Variants in ZNF71 observed in about 807,000 individuals in gnomAD.
ZNF71 encodes zinc finger protein 71.
In ZNF71, 3 loss-of-function variants were observed where a neutral mutation model predicts 6.7. The ratio of observed to expected loss-of-function variants is 0.45; its 90% CI spans 0.20 to 1.16. ZNF71 has a LOEUF of 1.16. ZNF71 is among the 50% of genes most tolerant of loss of function. The probability of loss-of-function intolerance (pLI) is 0.25; values close to 1 mark genes in which losing one functional copy is unlikely to be tolerated. For synonymous variants in ZNF71, 343 were observed against 311.1 expected (o/e 1.10, Z -1.08); for missense variants, 688 against 728.6 (o/e 0.94, Z 0.64).
chr19:56,622,714 G>C lies in ZNF71; in HGVS notation c.1607G>C (p.Ser536Thr), dbSNP rs2044873135. 6.2e-7 allele frequency: 1 copy of C among 1,611,970 alleles called. No homozygotes were observed. The highest frequency in any genetic ancestry group is 1.3e-5 in the African/African-American group (1 of 74,930). The change falls in exon 4 of 4, where the codon AGC (serine) becomes ACC (threonine). Residue 536 changes from serine (S) to threonine (T), a missense_variant. By Grantham distance (58) the Ser-to-Thr change is moderately conservative (BLOSUM62 1). Transcript: ENST00000599599. ...TGCGGCGAGTGCGGGAAGACCTTCAGCCGCAACACGAACCTGACGCGCCAC... is the reference window on the plus strand; with the variant it reads ...TGCGGCGAGTGCGGGAAGACCTTCACCCGCAACACGAACCTGACGCGCCAC... Reference protein sequence around the residue: ...YRCGECGKTFSRNTNLTRHLR... With the variant: ...YRCGECGKTFTRNTNLTRHLR...
Position 56,621,736 on chromosome 19 carries a change from G to A in ZNF71, c.629G>A (p.Arg210Lys). 6.2e-7 allele frequency: 1 copy of A among 1,613,980 alleles called. No homozygotes were observed. The highest frequency in any genetic ancestry group is 1.1e-5 in the South Asian group (1 of 91,084). ...AGCTCGTCCCTGATAAAGCACCAAA[G>A]GATCCACACGGGAGAAAAGCCGTTT... ...SRSSSLIKHQ[R>K]IHTGEKPFEC... The change falls in exon 4 of 4, where the codon AGG becomes AAG. Residue 210 changes from arginine to lysine, a missense_variant. Coordinates refer to ENST00000599599, the MANE Select transcript of ZNF71 (RefSeq NM_001370215.1).
At chr19:56,610,304 TATA>T (rs1218035331) in intron 2 of ZNF71, 1 of 152,268 alleles carries the variant, frequency 6.6e-6, no homozygotes, top group Admixed American at 6.5e-5. Context: ...TCTGCGCCTG[TATA>T]AGCACATATG....
In ZNF71 at chr19:56,598,907, C is replaced by T. The variant is rs929856820; in HGVS notation, c.-52-2600C>T. ...TCTTAGTGGTTCTTACGCTTTAAGACGTGTCAGAATCACCTGGGAAACTTG... is the reference window on the plus strand; with the variant it reads ...TCTTAGTGGTTCTTACGCTTTAAGATGTGTCAGAATCACCTGGGAAACTTG... On this transcript the variant is annotated intron_variant, in intron 1 of 3. Transcript: ENST00000599599. This position sits in a 1 kb window ranked among gnomAD's most constrained non-coding sequence, Gnocchi z 4.2. Among the ~76,000 whole-genome samples the T allele has an allele frequency of 2.0e-5, 3 of 152,190 alleles. No individual in the cohort carries two copies. Among genetic ancestry groups the T allele is most frequent in the African/African-American group, 4.8e-5 (2 of 41,450 alleles).
At chr19:56,601,788 A>G (rs2148005363) in intron 2 of ZNF71, among the ~76,000 whole-genome samples, 197 bp downstream of exon 2, 1 of 152,190 alleles carries the variant, frequency 6.6e-6, no homozygotes, top group Admixed American at 6.5e-5. Context: ...AAGCTTTGGA[A>G]TGGCCAAACT....
At chr19:56,617,945 T>C (rs1377678321) in intron 3 of ZNF71, among the ~76,000 whole-genome samples, 1 of 151,716 alleles carries the variant, frequency 6.6e-6, no homozygotes, top group East Asian at 2.0e-4. Context: ...CCAGCTCATA[T>C]TCCAGAGCAT....
chr19:56,618,913 A>C lies in ZNF71; in HGVS notation c.161-2355A>C, dbSNP rs2044819835. Among the ~76,000 whole-genome samples the C allele has an allele frequency of 6.6e-6, 1 of 152,080 alleles. No homozygotes were observed. The highest frequency in any genetic ancestry group is 1.5e-5 in the Non-Finnish European group (1 of 68,014). ...GCACTCCCGGAGGAGTGGAGGACGCATTGCAGGGGTGAGAATGGGGTGGGG... is the reference window on the plus strand; with the variant it reads ...GCACTCCCGGAGGAGTGGAGGACGCCTTGCAGGGGTGAGAATGGGGTGGGG... On this transcript the variant is annotated intron_variant, in intron 3 of 3. Transcript: ENST00000599599. The surrounding 1 kb of genome is among the most constrained non-coding windows in gnomAD (Gnocchi z 4.6).
intron 2 of ZNF71, among the ~76,000 whole-genome samples, chr19:56,612,542 T>C (rs554932315): frequency 1.3e-5 from 2 of 152,248 alleles, no homozygotes; most frequent in South Asian, 4.1e-4. Context: ...CCAAATGCTG[T>C]GTGTTCTCAC....
At chr19:56,614,931 CTG>C (rs2044779109) in intron 3 of ZNF71, among the ~76,000 whole-genome samples, 2 of 152,148 alleles carry the variant, frequency 1.3e-5, no homozygotes, top group South Asian at 4.1e-4. Flanking sequence ...CTTTATGTCA[CTG>C]TGGTTGAGTT....
intron 2 of ZNF71, among the ~76,000 whole-genome samples, chr19:56,608,621 T>C (rs2044727506): frequency 6.6e-6 from 1 of 152,182 alleles, no homozygotes; most frequent in Admixed American, 6.5e-5. Flanking sequence ...CTGTATGTTG[T>C]TGATCACACA....
At chr19:56,611,286 G>A (rs1004316455) in intron 2 of ZNF71, among the ~76,000 whole-genome samples, 1 of 152,090 alleles carries the variant, frequency 6.6e-6, no homozygotes, top group African/African-American at 2.4e-5. Flanking sequence ...GGCACCACAA[G>A]TTTTCATTAC....
intron 2 of ZNF71, among the ~76,000 whole-genome samples, chr19:56,604,523 A>T (rs887973728): frequency 6.6e-5 from 10 of 152,206 alleles, no homozygotes; most frequent in Non-Finnish European, 1.3e-4. Flanking sequence ...CCATATTTGT[A>T]CACATTTAAC....
intron 2 of ZNF71, among the ~76,000 whole-genome samples, chr19:56,602,268 G>A (rs996562273): frequency 2.0e-5 from 3 of 152,172 alleles, no homozygotes; most frequent in African/African-American, 7.2e-5. Context: ...AGTGTCATGA[G>A]GGACACTGGG....
rs1292905921 is a variant in ZNF71 at position 56,621,137 on chromosome 19, C to G, written c.161-131C>G. On this transcript the variant is annotated intron_variant, in intron 3 of 3. Coordinates refer to ENST00000599599, the MANE Select transcript of ZNF71 (RefSeq NM_001370215.1). ...CCTCCCTCTCTGATCCAAGGTTCTT[C>G]TTTGCTAACTCGCTCTGTGCCTTGG... 4 of 890,444 alleles carry G rather than the reference C, an allele frequency of 4.5e-6. No individual in the cohort carries two copies. The Admixed American group carries it at 1.1e-4, about 23-fold the overall frequency. 55.2% of individuals were successfully genotyped at this position (890,444 alleles called of 1,614,324 possible).
At chr19:56,597,318 T>A (rs1056719840) in intron 1 of ZNF71, among the ~76,000 whole-genome samples, 4 of 152,172 alleles carry the variant, frequency 2.6e-5, no homozygotes, top group African/African-American at 9.7e-5. Flanking sequence ...AATTTTTTTT[T>A]ATATTAAATT....
chr19:56,619,865 G>T (rs1157060723), intron 3 of ZNF71, among the ~76,000 whole-genome samples: 1 of 152,204 alleles, frequency 6.6e-6, no homozygotes, highest in Non-Finnish European at 1.5e-5. Flanking sequence ...ACTTTTAAAT[G>T]CTGGGAATGA....
intron 1 of ZNF71, among the ~76,000 whole-genome samples, chr19:56,599,645 A>G (rs1344574255): frequency 6.6e-6 from 1 of 152,058 alleles, no homozygotes; most frequent in Non-Finnish European, 1.5e-5. Flanking sequence ...CTGTCACCTC[A>G]AGGATTTATC....
rs371602169 is a variant in ZNF71, at chr19:56,622,346, G to A, written c.1239G>A (p.Pro413=). 5.6e-6 allele frequency: 9 copies of A among 1,610,928 alleles called. No individual in the cohort carries two copies. Among genetic ancestry groups the A allele is most frequent in the African/African-American group, 1.3e-5 (1 of 74,208 alleles). The change falls in exon 4 of 4, where the codon CCG becomes CCA. Residue 413 remains proline, a synonymous_variant. Transcript: ENST00000599599. ...AGCGCTTCCACATCGGCGTGAAGCC[G>A]TTCGAGTGCAGCGAGTGCGGCAAGG... The part of the protein sequence containing the change: ...QHQRFHIGVK[P]FECSECGKAF...
chr19:56,612,565 G>A (rs2044759900), intron 2 of ZNF71, among the ~76,000 whole-genome samples: 1 of 152,200 alleles, frequency 6.6e-6, no homozygotes, highest in African/African-American at 2.4e-5. Flanking sequence ...ATGAGTGGGA[G>A]CTAAGCGATG....
At chr19:56,608,956 A>T (rs1181763012) in intron 2 of ZNF71, among the ~76,000 whole-genome samples, 1 of 152,216 alleles carries the variant, frequency 6.6e-6, no homozygotes, top group African/African-American at 2.4e-5. Flanking sequence ...GGGGTAGGCT[A>T]TTATTTAATG....
Sources: allele counts gnomAD v4.1 joint callset (sites outside exome capture counted in the v4.1 genomes callset), GRCh38; gene constraint gnomAD v4.1.1; non-coding constraint Gnocchi (gnomAD v3.1); transcripts MANE v1.5; gene names NCBI Gene and HGNC (gene_info 2026-07-23, HGNC 2026-07-21).